Variants in DAB2IP observed in about 807,000 individuals in gnomAD.
The protein encoded by DAB2IP is DAB2 interacting protein.
Under a neutral mutation model 107.2 loss-of-function variants are expected in DAB2IP, and 28 were observed. That is an observed-to-expected ratio of 0.26 (90% CI 0.19 to 0.36). DAB2IP has a LOEUF of 0.36. Ranked by LOEUF, DAB2IP falls within the 10% of genes least tolerant of loss-of-function variation. DAB2IP has a pLI of 1.00. For missense variants in DAB2IP, 1,400 were observed against 1,644.7 expected (o/e 0.85, Z 2.57); for synonymous variants, 755 against 706.4 (o/e 1.07, Z -1.09).
chr9:121,655,985 G>A (rs1301655332), intron 1 of DAB2IP, among the ~76,000 whole-genome samples: 2 of 152,020 alleles, frequency 1.3e-5, no homozygotes, highest in African/African-American at 2.4e-5. Context: ...CACCATGGGG[G>A]GTGGGTAACT....
At chr9:121,739,901 A>G (rs1832209363) in intron 3 of DAB2IP, among the ~76,000 whole-genome samples, 1 of 152,162 alleles carries the variant, frequency 6.6e-6, no homozygotes, top group Admixed American at 6.5e-5. Context: ...CTGGGAGGAA[A>G]GGAGGTGAGG....
chr9:121,705,606 T>G (rs1830021242), intron 3 of DAB2IP, among the ~76,000 whole-genome samples: 1 of 152,250 alleles, frequency 6.6e-6, no homozygotes. Context: ...CTCACGTGCA[T>G]ACTTGTGTGC....
chr9:121,773,182 G>C, exon 12 of DAB2IP: 1 of 1,593,094 alleles, frequency 6.3e-7, no homozygotes. Context: ...CTGGCTCGGC[G>C]GCCCGGTGAG....
At chr9:121,624,762 A>G (rs192954842) in intron 1 of DAB2IP, among the ~76,000 whole-genome samples, 1 of 152,326 alleles carries the variant, frequency 6.6e-6, no homozygotes, top group South Asian at 2.1e-4. Context: ...AAATCGCCTA[A>G]TGATGCATTT....
chr9:121,589,507 G>T (rs1017363579), intron 1 of DAB2IP, among the ~76,000 whole-genome samples: 1 of 151,998 alleles, frequency 6.6e-6, no homozygotes, highest in Non-Finnish European at 1.5e-5. Context: ...TTCCTGCCCC[G>T]CTCCCAAGGC....
At chr9:121,722,674 G>C (rs867044517) in intron 3 of DAB2IP, among the ~76,000 whole-genome samples, 8 of 151,842 alleles carry the variant, frequency 5.3e-5, no homozygotes, top group Non-Finnish European at 1.2e-4. Context: ...TGGATCATAG[G>C]GGGAGTGACA....
At chr9:121,697,800 C>T (rs2118720167) in intron 2 of DAB2IP, among the ~76,000 whole-genome samples, 1 of 152,242 alleles carries the variant, frequency 6.6e-6, no homozygotes, top group Non-Finnish European at 1.5e-5. Context: ...GGTATGTCTC[C>T]TGTGGATATG....
chr9:121,623,295 C>T (rs967662047), intron 1 of DAB2IP, among the ~76,000 whole-genome samples: 3 of 152,172 alleles, frequency 2.0e-5, no homozygotes, highest in Admixed American at 2.0e-4. Context: ...GAGAGGCCTC[C>T]TCTTTGAGGC....
At position 121,747,360 on chromosome 9, in the gene DAB2IP, TC is replaced by T. The variant is rs796951355; in HGVS notation, c.363-9649del. On this transcript the variant is annotated intron_variant, in intron 3 of 15. Transcript: ENST00000408936. ...CTTAGATGCTTTTTTTTTTTTTTTT[TC>T]CCCTGAGACAGAGTCTCGCTCTGTC... 4.8e-3 allele frequency among the ~76,000 whole-genome samples: 715 copies of T among 149,012 alleles called. 9 individuals carry two copies. The highest frequency in any genetic ancestry group is 0.017 in the African/African-American group (679 of 39,706).
chr9:121,598,948 G>T (rs1413121318), intron 1 of DAB2IP, among the ~76,000 whole-genome samples: 2 of 152,196 alleles, frequency 1.3e-5, no homozygotes, highest in African/African-American at 4.8e-5. Context: ...TTCGCGGGAC[G>T]TTCCCTCCAG....
intron 1 of DAB2IP, among the ~76,000 whole-genome samples, chr9:121,585,104 G>A (rs1299539832): frequency 1.3e-5 from 2 of 152,152 alleles, no homozygotes; most frequent in Admixed American, 6.5e-5. Flanking sequence ...CAGGGTTCAA[G>A]TCCCAACTCC....
chr9:121,688,144 G>T (rs1828980323), intron 2 of DAB2IP, among the ~76,000 whole-genome samples: 1 of 152,152 alleles, frequency 6.6e-6, no homozygotes, highest in African/African-American at 2.4e-5. Flanking sequence ...GAGCCTGCAT[G>T]TCAGGGGCAA....
At chr9:121,692,416 T>C (rs902464418) in intron 2 of DAB2IP, among the ~76,000 whole-genome samples, 18 of 152,170 alleles carry the variant, frequency 1.2e-4, no homozygotes, top group Non-Finnish European at 2.4e-4. Flanking sequence ...TGCCTGTCCT[T>C]GAACTTGTGT....
chr9:121,766,506 G>C (rs1243287973), exon 9 of DAB2IP: 9 of 1,607,256 alleles, frequency 5.6e-6, no homozygotes, highest in South Asian at 1.1e-5. Flanking sequence ...TCTTCCCACG[G>C]GAGTTGAAAG....
At chr9:121,569,928 T>C (rs1478782140) in intron 1 of DAB2IP, among the ~76,000 whole-genome samples, 5 of 151,938 alleles carry the variant, frequency 3.3e-5, no homozygotes, top group Non-Finnish European at 5.9e-5. Flanking sequence ...TAGCTGTGAC[T>C]ACAAACATAC....
intron 1 of DAB2IP, among the ~76,000 whole-genome samples, chr9:121,659,772 T>TGAC: frequency 6.6e-6 from 1 of 151,868 alleles, no homozygotes; most frequent in Non-Finnish European, 1.5e-5. Flanking sequence ...CCAGCCTGGG[T>TGAC]GACAGAGCGA....
rs771078377 is a variant in DAB2IP at position 121,774,256 on chromosome 9, G to A, written c.2968-4G>A. ...CAGCCCCTCACAGCTGTGTTTCATT[G>A]TAGGGCCCTTCACCTGTGAGCCCCA... On this transcript the variant is annotated splice_polypyrimidine_tract_variant and splice_region_variant and intron_variant, in intron 12 of 15. Coordinates refer to ENST00000408936, the Ensembl canonical transcript of DAB2IP. 1.9e-6 allele frequency: 3 copies of A among 1,606,752 alleles called. No homozygotes were observed. Among genetic ancestry groups the A allele is most frequent in the Admixed American group, 1.7e-5 (1 of 59,174 alleles).
At chr9:121,676,721 A>G (rs906711838) in intron 1 of DAB2IP, among the ~76,000 whole-genome samples, 2 of 152,218 alleles carry the variant, frequency 1.3e-5, no homozygotes, top group Non-Finnish European at 2.9e-5. Flanking sequence ...TTATTGCTGT[A>G]GGAGCCAAAA....
intron 4 of DAB2IP, 63 bp downstream of exon 4, chr9:121,757,229 C>A: frequency 6.4e-7 from 1 of 1,574,504 alleles, no homozygotes; most frequent in South Asian, 1.2e-5. Context: ...CTGGTCTCCT[C>A]CAGACATCCT....
Sources: gnomAD v4.1 joint callset for allele counts (sites outside exome capture counted in the v4.1 genomes callset) on GRCh38, gnomAD v4.1.1 for gene constraint, MANE v1.5 for transcripts, NCBI Gene and HGNC (gene_info 2026-07-23, HGNC 2026-07-21) for gene names.